MACROD2: variants seen among roughly 807,000 people sequenced by gnomAD.
MACROD2 encodes the protein mono-ADP ribosylhydrolase 2.
Under a neutral mutation model 70.4 loss-of-function variants are expected in MACROD2, and 36 were observed. That is an observed-to-expected ratio of 0.51 (90% CI 0.39 to 0.68). The LOEUF is 0.68. MACROD2 is among the 30% of genes least tolerant of loss of function. MACROD2 has a pLI of 0.00. For synonymous variants in MACROD2, 172 were observed against 178.8 expected (o/e 0.96, Z 0.30); for missense variants, 496 against 538.4 (o/e 0.92, Z 0.78).
At chr20:15,378,422 C>A (rs1248417033) in intron 6 of MACROD2, among the ~76,000 whole-genome samples, 1 of 151,832 alleles carries the variant, frequency 6.6e-6, no homozygotes, top group African/African-American at 2.4e-5. Flanking sequence ...GGGGCACATG[C>A]TGGAGAAACT....
chr20:14,367,870 C>A (rs2083286718), intron 3 of MACROD2, among the ~76,000 whole-genome samples: 1 of 152,016 alleles, frequency 6.6e-6, no homozygotes, highest in Non-Finnish European at 1.5e-5. Flanking sequence ...GTTTCTTTTT[C>A]TCTTCTCCAT....
chr20:15,138,604 G>T (rs981967987), intron 5 of MACROD2, among the ~76,000 whole-genome samples: 1 of 152,120 alleles, frequency 6.6e-6, no homozygotes, highest in East Asian at 1.9e-4. Flanking sequence ...CCTTCAAAAA[G>T]AAACCTTCCA....
chr20:15,128,769 C>T (rs1325021271), intron 5 of MACROD2, among the ~76,000 whole-genome samples: 1 of 151,898 alleles, frequency 6.6e-6, no homozygotes, highest in African/African-American at 2.4e-5. Flanking sequence ...CACCCACACA[C>T]TCTTTTTCAT....
chr20:15,137,689 C>G (rs1423173598), intron 5 of MACROD2, among the ~76,000 whole-genome samples: 2 of 151,290 alleles, frequency 1.3e-5, no homozygotes, highest in East Asian at 1.9e-4. Context: ...TGCACATGTA[C>G]CCTAAAACTT....
At chr20:14,053,464 T>C (rs915756230) in intron 2 of MACROD2, 4 of 151,962 alleles carry the variant, frequency 2.6e-5, no homozygotes, top group Non-Finnish European at 5.9e-5. Context: ...TAAACTCTTC[T>C]CACAATCCGA....
chr20:15,677,191 C>T (rs1187197228), intron 8 of MACROD2, among the ~76,000 whole-genome samples: 1 of 152,140 alleles, frequency 6.6e-6, no homozygotes, highest in Non-Finnish European at 1.5e-5. Flanking sequence ...TAAGTTGTCT[C>T]TTTGGACTAT....
At position 14,438,034 on chromosome 20, in the gene MACROD2, A is replaced by G. The variant is rs2084078766; in HGVS notation, c.272-55445A>G. ...CTATAATCCTCATGTTGCACATTAG[A>G]TTTTTGGACTTTTGTTCATCCTACA... On this transcript the variant is annotated intron_variant, in intron 3 of 17. Transcript: ENST00000684519. 2.6e-5 allele frequency among the ~76,000 whole-genome samples: 4 copies of G among 152,148 alleles called. No individual in the cohort carries two copies. The South Asian group carries it at 8.3e-4, about 31-fold the overall frequency.
At chr20:15,759,334 A>G (rs1259407926) in intron 8 of MACROD2, among the ~76,000 whole-genome samples, 1 of 152,158 alleles carries the variant, frequency 6.6e-6, no homozygotes, top group African/African-American at 2.4e-5. Context: ...TATATTACTA[A>G]TGGAACTGGA....
At chr20:15,137,644 T>G (rs1387271246) in intron 5 of MACROD2, among the ~76,000 whole-genome samples, 11 of 151,160 alleles carry the variant, frequency 7.3e-5, no homozygotes, top group South Asian at 4.2e-4. Context: ...CACCAGCATG[T>G]CACATGTATA....
At chr20:15,083,911 CT>C (rs1406774289) in intron 5 of MACROD2, among the ~76,000 whole-genome samples, 1 of 152,022 alleles carries the variant, frequency 6.6e-6, no homozygotes, top group East Asian at 1.9e-4. Flanking sequence ...TTCCTTTCCC[CT>C]GATGTCATTT....
At chr20:15,830,075 A>G (rs1325744259) in intron 8 of MACROD2, among the ~76,000 whole-genome samples, 1 of 152,224 alleles carries the variant, frequency 6.6e-6, no homozygotes. Flanking sequence ...CCAGACAATT[A>G]AGGACATTGT....
intron 8 of MACROD2, among the ~76,000 whole-genome samples, chr20:15,584,085 C>T (rs771985422): frequency 5.9e-5 from 9 of 152,190 alleles, no homozygotes; most frequent in Non-Finnish European, 8.8e-5. Flanking sequence ...GTCTTCCAAA[C>T]GACTCCAAAG....
intron 8 of MACROD2, among the ~76,000 whole-genome samples, chr20:15,608,323 C>G (rs930336900): frequency 4.6e-5 from 7 of 152,220 alleles, no homozygotes; most frequent in Non-Finnish European, 1.0e-4. Context: ...CAGGACATAA[C>G]TTGGTCAATG....
At chr20:15,117,169 G>A (rs1010126445) in intron 5 of MACROD2, among the ~76,000 whole-genome samples, 4 of 152,108 alleles carry the variant, frequency 2.6e-5, no homozygotes, top group Non-Finnish European at 5.9e-5. Context: ...GTCCATGAGA[G>A]TGGACGAATC....
intron 4 of MACROD2, among the ~76,000 whole-genome samples, chr20:14,655,569 C>T (rs1985930371): frequency 6.6e-6 from 1 of 152,032 alleles, no homozygotes; most frequent in South Asian, 2.1e-4. Context: ...AACTTTATTG[C>T]TAAGCTATAA....
chr20:14,002,362 C>G lies in MACROD2; in HGVS notation c.121C>G (p.Leu41Val), dbSNP rs145602631. The change falls in exon 2 of 18, where the codon CTA becomes GTA. Residue 41 changes from leucine to valine, a missense_variant. Leu to Val is a conservative substitution (Grantham distance 32, BLOSUM62 1). Transcript: ENST00000684519. The part of the protein sequence containing the change: ...LRDYIPLNSI[L>V]SWKEEMKGKG... ...AGACTATATTCCCCTGAACAGCATT[C>G]TATCATGGAAGGAGGAGATGAAGGG... The G allele has an allele frequency of 6.2e-7, 1 of 1,609,444 alleles. No homozygotes were observed. Among genetic ancestry groups the G allele is most frequent in the Non-Finnish European group, 8.5e-7 (1 of 1,178,070 alleles).
intron 3 of MACROD2, among the ~76,000 whole-genome samples, chr20:14,139,354 C>G (rs1336432111): frequency 6.6e-6 from 1 of 152,114 alleles, no homozygotes; most frequent in African/African-American, 2.4e-5. Flanking sequence ...TGAAGAAAGG[C>G]AAATGTTAAG....
chr20:16,011,975 C>A (rs1196355562), intron 15 of MACROD2, among the ~76,000 whole-genome samples: 1 of 152,014 alleles, frequency 6.6e-6, no homozygotes, highest in Admixed American at 6.6e-5. Context: ...GGGTCACTTG[C>A]TCCCCACCAT....
intron 5 of MACROD2, among the ~76,000 whole-genome samples, chr20:14,811,496 A>G (rs1157910016): frequency 1.3e-5 from 2 of 152,146 alleles, no homozygotes; most frequent in African/African-American, 2.4e-5. Flanking sequence ...AACCTAGGCA[A>G]TATCATTCAG....
Sources: allele counts gnomAD v4.1 joint callset (sites outside exome capture counted in the v4.1 genomes callset), GRCh38; gene constraint gnomAD v4.1.1; transcripts MANE v1.5; gene names NCBI Gene and HGNC (gene_info 2026-07-23, HGNC 2026-07-21).